Variants in FBXL20 observed in about 807,000 individuals in gnomAD.
FBXL20 encodes the protein F-box/LRR-repeat protein 20.
In FBXL20, 11 loss-of-function variants were observed where a neutral mutation model predicts 64.0. That is an observed-to-expected ratio of 0.17 (90% CI 0.11 to 0.28). FBXL20 has a LOEUF of 0.28. FBXL20 is among the 10% of genes least tolerant of loss of function. The pLI is 1.00. For synonymous variants in FBXL20, 184 were observed against 189.0 expected (o/e 0.97, Z 0.22); for missense variants, 303 against 526.2 (o/e 0.58, Z 4.15).
At chr17:39,392,529 T>C (rs1208926206) in intron 1 of FBXL20, among the ~76,000 whole-genome samples, 2 of 152,062 alleles carry the variant, frequency 1.3e-5, no homozygotes, top group African/African-American at 4.8e-5. Flanking sequence ...TGGCTTTTCT[T>C]GGACCTATAA....
At chr17:39,307,885 C>A (rs1282149193) in intron 2 of FBXL20, among the ~76,000 whole-genome samples, 2 of 150,858 alleles carry the variant, frequency 1.3e-5, no homozygotes, top group Admixed American at 1.3e-4. Context: ...GCAGGAGAAT[C>A]GCTACAACTT....
At chr17:39,402,383 T>G (rs780739236), upstream of FBXL20, 1 of 429,298 alleles carries the variant, frequency 2.3e-6, no homozygotes, top group Non-Finnish European at 3.9e-6. Context: ...CTTGTCTCCC[T>G]GTGCATGGCT....
intron 2 of FBXL20, among the ~76,000 whole-genome samples, chr17:39,312,204 C>T (rs2144486806): frequency 6.6e-6 from 1 of 152,194 alleles, no homozygotes; most frequent in African/African-American, 2.4e-5. Context: ...ATCACAAGGT[C>T]AGGAGTTTGA....
chr17:39,343,337 T>TA lies in FBXL20; in HGVS notation c.43-97dup, dbSNP rs200963120. The stretch of plus-strand genomic sequence containing the variant: ...AGAGGCAATTCTCTCAGGAAAGAGG[T>TA]AAAAAAATATAGTCGGCATCATAAA... On this transcript the variant is annotated intron_variant, in intron 1 of 14. Coordinates refer to ENST00000264658, the MANE Select transcript of FBXL20 (RefSeq NM_032875.3). The TA allele has an allele frequency of 2.0e-3, 1,622 of 812,150 alleles. 6 individuals are homozygous for TA. Among genetic ancestry groups the TA allele is most frequent in the Admixed American group, 6.7e-3 (211 of 31,674 alleles). The allele number at this position is 812,150 out of a possible 1,614,324, so 50.3% of individuals were successfully genotyped here.
intron 2 of FBXL20, among the ~76,000 whole-genome samples, chr17:39,327,685 CAT>C (rs2047421371): frequency 6.6e-6 from 1 of 152,084 alleles, no homozygotes; most frequent in Non-Finnish European, 1.5e-5. Context: ...TACAACCAAA[CAT>C]GTATTTCTTT....
intron 2 of FBXL20, among the ~76,000 whole-genome samples, chr17:39,306,090 A>G (rs2047179827): frequency 6.6e-6 from 1 of 151,906 alleles, no homozygotes; most frequent in South Asian, 2.1e-4. Flanking sequence ...TATTGTGTTC[A>G]GTTTGAGGCT....
chr17:39,343,200 A>T lies in FBXL20; in HGVS notation c.84T>A (p.Leu28=). The T allele has an allele frequency of 6.2e-7, 1 of 1,604,676 alleles. No homozygotes were observed. Among genetic ancestry groups the T allele is most frequent in the Non-Finnish European group, 8.5e-7 (1 of 1,177,020 alleles). ...CTTACCGTAACAGGAGTTCTTTGGG[A>T]AGTTTTTTATTGATTACAGCTTCAT... ...NSDEAVINKK[L]PKELLLRIFS... Residue 28 remains leucine, a synonymous_variant, in exon 2 of 15, where the codon CTT becomes CTA. Transcript: ENST00000264658.
At chr17:39,390,317 T>C (rs757409741) in intron 1 of FBXL20, among the ~76,000 whole-genome samples, 47 of 151,972 alleles carry the variant, frequency 3.1e-4, no homozygotes, top group Non-Finnish European at 5.0e-4. Context: ...TCCCAGCACT[T>C]TGAGAGGCCG....
In FBXL20 at chr17:39,258,489, C is replaced by T. The variant is rs2046714309; in HGVS notation, c.*2971G>A. ...ATCTCTGAGTCTTCATTCTCTCTCA[C>T]TTGACTCTGTTCTTGGCACAAACAG... On this transcript the variant is annotated 3_prime_UTR_variant, in exon 15 of 15. Transcript: ENST00000264658. 6.6e-6 allele frequency: 1 copy of T among 152,268 alleles called. No individual in the cohort carries two copies. Among genetic ancestry groups the T allele is most frequent in the Non-Finnish European group, 1.5e-5 (1 of 68,052 alleles). 9.4% of individuals were successfully genotyped at this position (152,268 alleles called of 1,614,324 possible).
chr17:39,339,760 C>T (rs1462941590), intron 2 of FBXL20, among the ~76,000 whole-genome samples: 1 of 151,944 alleles, frequency 6.6e-6, no homozygotes, highest in Non-Finnish European at 1.5e-5. Flanking sequence ...TCCCCTGTCT[C>T]AGCCTCCCGA....
chr17:39,330,761 A>G (rs2144537485), intron 2 of FBXL20, among the ~76,000 whole-genome samples: 1 of 152,330 alleles, frequency 6.6e-6, no homozygotes, highest in South Asian at 2.1e-4. Flanking sequence ...TTCCTCCAGG[A>G]AATGGAACAA....
chr17:39,350,968 T>G (rs1036815418), intron 1 of FBXL20, among the ~76,000 whole-genome samples: 2 of 152,094 alleles, frequency 1.3e-5, no homozygotes, highest in Non-Finnish European at 2.9e-5. Flanking sequence ...ATGAAGTAGA[T>G]TCAGGATCTC....
At chr17:39,269,977 C>T (rs1707649680) in intron 11 of FBXL20, among the ~76,000 whole-genome samples, 1 of 152,180 alleles carries the variant, frequency 6.6e-6, no homozygotes, top group Non-Finnish European at 1.5e-5. Flanking sequence ...TATCGATCTG[C>T]CTAAAAGCAA....
At chr17:39,347,371 T>C (rs566970030) in intron 1 of FBXL20, among the ~76,000 whole-genome samples, 11 of 152,226 alleles carry the variant, frequency 7.2e-5, no homozygotes, top group Non-Finnish European at 1.5e-4. Context: ...GACTTTTTAA[T>C]GATCGCCATT....
At chr17:39,334,988 TC>T (rs1228004603) in intron 2 of FBXL20, among the ~76,000 whole-genome samples, 3 of 151,920 alleles carry the variant, frequency 2.0e-5, no homozygotes, top group Non-Finnish European at 4.4e-5. Context: ...AAAACCCAAT[TC>T]CCCCTGAGGA....
At chr17:39,364,597 A>G (rs1014195784) in intron 1 of FBXL20, among the ~76,000 whole-genome samples, 5 of 152,196 alleles carry the variant, frequency 3.3e-5, no homozygotes, top group African/African-American at 4.8e-5. Flanking sequence ...GAGACAGAAC[A>G]AGACCCTGTC....
At chr17:39,382,006 T>A (rs572740079) in intron 1 of FBXL20, among the ~76,000 whole-genome samples, 10 of 142,050 alleles carry the variant, frequency 7.0e-5, no homozygotes, top group Admixed American at 3.0e-4. Context: ...AGCAGGAGAA[T>A]CACTTGAACC....
At position 39,256,216 on chromosome 17, in the gene FBXL20, G is replaced by A. The variant is rs2046694009; in HGVS notation, c.*5244C>T. 6.6e-6 allele frequency: 1 copy of A among 151,708 alleles called. No individual in the cohort carries two copies. The allele number at this position is 151,708 out of a possible 1,614,324, so 9.4% of individuals were successfully genotyped here. Reference sequence around the variant, plus strand: ...GGCACCTGTAATCCTGGCCTCTTGGGAGGCTGAAACAGAAGAATCACTTGA... The same window carrying A: ...GGCACCTGTAATCCTGGCCTCTTGGAAGGCTGAAACAGAAGAATCACTTGA... On this transcript the variant is annotated 3_prime_UTR_variant, in exon 15 of 15. Transcript: ENST00000264658.
At chr17:39,341,834 C>T (rs116622276) in intron 2 of FBXL20, among the ~76,000 whole-genome samples, 1,616 of 152,302 alleles carry the variant, frequency 0.011, 28 homozygotes, top group African/African-American at 0.037. Context: ...TTCTCCTCAT[C>T]GAACTTCACT....
Sources: gnomAD v4.1 joint callset for allele counts (sites outside exome capture counted in the v4.1 genomes callset) on GRCh38, gnomAD v4.1.1 for gene constraint, MANE v1.5 for transcripts, NCBI Gene and HGNC (gene_info 2026-07-23, HGNC 2026-07-21) for gene names.